The following HACD2 variants were observed in gnomAD, a reference collection of about 807,000 sequenced individuals.
HACD2 encodes the protein very-long-chain (3R)-3-hydroxyacyl-CoA dehydratase 2.
A neutral mutation model predicts 31.0 loss-of-function variants in HACD2; 15 were observed. The observed-to-expected ratio is 0.48, with a 90% confidence interval of 0.32 to 0.75. The LOEUF is 0.75. Ranked by LOEUF, HACD2 falls within the 30% of genes least tolerant of loss-of-function variation. The probability of loss-of-function intolerance (pLI) is 0.03; values close to 1 mark genes in which losing one functional copy is unlikely to be tolerated. For synonymous variants in HACD2, 115 were observed against 122.2 expected (o/e 0.94, Z 0.39); for missense variants, 283 against 313.0 (o/e 0.90, Z 0.72).
At chr3:123,556,162 T>C (rs1441269528) in intron 3 of HACD2, among the ~76,000 whole-genome samples, 1 of 151,502 alleles carries the variant, frequency 6.6e-6, no homozygotes, top group African/African-American at 2.4e-5. Context: ...TGAGGCCGGG[T>C]GAAGTGGCTC....
At chr3:123,527,696 A>G (rs1425654235) in intron 4 of HACD2, among the ~76,000 whole-genome samples, 1 of 152,254 alleles carries the variant, frequency 6.6e-6, no homozygotes, top group Non-Finnish European at 1.5e-5. Flanking sequence ...TACAGTAGGA[A>G]CAAATCTTAT....
At chr3:123,569,985 T>C (rs1178820450) in intron 2 of HACD2, among the ~76,000 whole-genome samples, 1 of 69,890 alleles carries the variant, frequency 1.4e-5, no homozygotes, top group Non-Finnish European at 2.6e-5. Flanking sequence ...CAACACTCCA[T>C]CTCAAAAAAA....
intron 3 of HACD2, among the ~76,000 whole-genome samples, chr3:123,563,642 TATACACACACAC>T (rs145395906): frequency 0.23 from 24,693 of 105,130 alleles, 2,142 homozygotes; most frequent in African/African-American, 0.33. Flanking sequence ...AAAAAATATA[TATACACACACAC>T]ACACACACAC....
At chr3:123,525,615 G>T (rs2056271213) in intron 4 of HACD2, among the ~76,000 whole-genome samples, 2 of 152,180 alleles carry the variant, frequency 1.3e-5, no homozygotes, top group African/African-American at 4.8e-5. Context: ...AGAAAAACAA[G>T]GGAGATGAGC....
At chr3:123,512,841 G>A (rs900056626) in intron 4 of HACD2, among the ~76,000 whole-genome samples, 2 of 152,160 alleles carry the variant, frequency 1.3e-5, no homozygotes, top group Non-Finnish European at 2.9e-5. Context: ...ATATGTGTGT[G>A]TATGTGTGTA....
chr3:123,563,346 A>G (rs1411196037), intron 3 of HACD2, among the ~76,000 whole-genome samples: 1 of 152,164 alleles, frequency 6.6e-6, no homozygotes. Context: ...CCAGGCAGAG[A>G]GCAGAGCCTG....
intron 3 of HACD2, among the ~76,000 whole-genome samples, chr3:123,548,314 T>C (rs574217682): frequency 6.6e-6 from 1 of 152,194 alleles, no homozygotes; most frequent in South Asian, 2.1e-4. Flanking sequence ...AACCAGCTGC[T>C]ATGTCACAAG....
intron 3 of HACD2, among the ~76,000 whole-genome samples, chr3:123,551,221 T>C (rs1260334337): frequency 6.6e-6 from 1 of 152,184 alleles, no homozygotes; most frequent in Non-Finnish European, 1.5e-5. Flanking sequence ...CCTCTGTGCT[T>C]CATGTTTACC....
At chr3:123,495,765 A>C (rs139999690) in intron 6 of HACD2, among the ~76,000 whole-genome samples, 1 of 152,166 alleles carries the variant, frequency 6.6e-6, no homozygotes, top group African/African-American at 2.4e-5. Flanking sequence ...TAGTTTGACT[A>C]TTTGGAAATA....
chr3:123,521,224 GA>G (rs2056210659), intron 4 of HACD2, among the ~76,000 whole-genome samples: 1 of 152,164 alleles, frequency 6.6e-6, no homozygotes, highest in Non-Finnish European at 1.5e-5. Context: ...AATTAAATGA[GA>G]GGGGGTTAGT....
chr3:123,552,987 C>T (rs1283418381), intron 3 of HACD2, among the ~76,000 whole-genome samples: 1 of 151,876 alleles, frequency 6.6e-6, no homozygotes, highest in African/African-American at 2.4e-5. Flanking sequence ...ATCCAACACA[C>T]ATATGTTTGG....
intron 3 of HACD2, among the ~76,000 whole-genome samples, chr3:123,541,728 T>C (rs1163233827): frequency 6.6e-6 from 1 of 152,206 alleles, no homozygotes; most frequent in Non-Finnish European, 1.5e-5. Flanking sequence ...CAAATTGGTA[T>C]GTACGTTTAA....
At chr3:123,575,352 A>G (rs1437613378) in intron 2 of HACD2, among the ~76,000 whole-genome samples, 1 of 152,140 alleles carries the variant, frequency 6.6e-6, no homozygotes, top group Admixed American at 6.6e-5. Flanking sequence ...CCTGGCCTGA[A>G]GCGATCCTCC....
chr3:123,531,811 T>G (rs1056386172), intron 3 of HACD2, among the ~76,000 whole-genome samples: 5 of 152,242 alleles, frequency 3.3e-5, no homozygotes, highest in African/African-American at 4.8e-5. Flanking sequence ...AATCATGATA[T>G]TCCTTTGAGT....
chr3:123,540,619 T>C (rs908140689), intron 3 of HACD2, among the ~76,000 whole-genome samples: 3 of 152,208 alleles, frequency 2.0e-5, no homozygotes, highest in African/African-American at 7.2e-5. Flanking sequence ...GTATTATAGT[T>C]AGCATTCCAA....
At chr3:123,500,873 GTA>G (rs1439140178) in intron 5 of HACD2, among the ~76,000 whole-genome samples, 180 bp from the exon 6 acceptor site, 8 of 152,202 alleles carry the variant, frequency 5.3e-5, no homozygotes, top group Admixed American at 4.6e-4. Flanking sequence ...CCTACAGCAG[GTA>G]TATGTTTCCA....
chr3:123,548,031 G>A (rs1013820182), intron 3 of HACD2, among the ~76,000 whole-genome samples: 2 of 151,904 alleles, frequency 1.3e-5, no homozygotes, highest in Non-Finnish European at 2.9e-5. Context: ...TAACTACTAA[G>A]CTGTACCACC....
chr3:123,508,745 T>C (rs1358662229), intron 4 of HACD2, among the ~76,000 whole-genome samples: 1 of 152,132 alleles, frequency 6.6e-6, no homozygotes, highest in Non-Finnish European at 1.5e-5. Flanking sequence ...ACTGTACGTT[T>C]GTCTTAGTCT....
intron 3 of HACD2, among the ~76,000 whole-genome samples, chr3:123,556,792 A>G (rs976288624): frequency 6.6e-6 from 1 of 152,210 alleles, no homozygotes; most frequent in Non-Finnish European, 1.5e-5. Context: ...AAAAATGAGC[A>G]AAGACCTGAA....
Sources: allele counts gnomAD v4.1 joint callset (sites outside exome capture counted in the v4.1 genomes callset), GRCh38; gene constraint gnomAD v4.1.1; transcripts MANE v1.5; gene names NCBI Gene and HGNC (gene_info 2026-07-23, HGNC 2026-07-21).